Variants in NELFA observed in about 807,000 individuals in gnomAD.
NELFA encodes the protein negative elongation factor A.
Under a neutral mutation model 51.8 loss-of-function variants are expected in NELFA, and 35 were observed. That is an observed-to-expected ratio of 0.68 (90% confidence interval 0.52 to 0.90). The LOEUF is 0.90. NELFA is among the 40% of genes least tolerant of loss of function. The pLI is 0.00. For synonymous variants in NELFA, 417 were observed against 338.4 expected, an observed-to-expected ratio of 1.23 and a Z score of -2.55; for missense variants, 658 against 746.4, an observed-to-expected ratio of 0.88 and a Z score of 1.38.
Position 1,988,011 on chromosome 4 carries a change from G to C in NELFA, c.545-4C>G. The C allele has an allele frequency of 6.2e-7, 1 of 1,608,754 alleles. No homozygotes were observed. Among genetic ancestry groups the C allele is most frequent in the African/African-American group, 1.3e-5 (1 of 75,070 alleles). The stretch of plus-strand genomic sequence containing the variant: ...AACTGCTGGGCGGTCTCCGTGGCTG[G>C]AAGGAAGAGGTCACATATGTCAGGG... On this transcript the variant is annotated splice_polypyrimidine_tract_variant and splice_region_variant and intron_variant, in intron 3 of 10. Transcript: ENST00000382882.
intron 1 of NELFA, among the ~76,000 whole-genome samples, chr4:1,994,843 C>T (rs1405668750): frequency 1.4e-5 from 2 of 144,372 alleles, no homozygotes; most frequent in East Asian, 3.9e-4. Context: ...AGTGAGACTC[C>T]GTCTCAAAAA....
intron 1 of NELFA, among the ~76,000 whole-genome samples, chr4:1,999,626 C>T (rs536181892): frequency 6.6e-6 from 1 of 152,120 alleles, no homozygotes; most frequent in Admixed American, 6.6e-5. Flanking sequence ...TACAGGAGCA[C>T]CCAGATTCAT....
At chr4:2,002,105 C>T (rs1258060842) in intron 1 of NELFA, among the ~76,000 whole-genome samples, 1 of 151,660 alleles carries the variant, frequency 6.6e-6, no homozygotes, top group Non-Finnish European at 1.5e-5. Context: ...GAGGCTGACG[C>T]AGGAGAATGG....
At chr4:2,008,568 G>A (rs1449957702) in intron 1 of NELFA, among the ~76,000 whole-genome samples, 182 bp downstream of exon 1, 1 of 144,958 alleles carries the variant, frequency 6.9e-6, no homozygotes, top group African/African-American at 2.6e-5. Flanking sequence ...GGGGAGGTGA[G>A]GACTGGAGGG....
chr4:1,994,527 T>G (rs982472160), intron 1 of NELFA, among the ~76,000 whole-genome samples: 1 of 150,846 alleles, frequency 6.6e-6, no homozygotes, highest in Admixed American at 6.6e-5. Context: ...ATGGCGCCAC[T>G]GTACTCCAGC....
intron 2 of NELFA, 75 bp downstream of exon 2, chr4:1,991,469 T>C: frequency 6.6e-7 from 1 of 1,518,892 alleles, no homozygotes; most frequent in East Asian, 2.3e-5. Flanking sequence ...AAAAATCAAA[T>C]TCATTTCAGA....
rs1031222825 is a variant in NELFA at position 1,991,908 on chromosome 4, C to T, written c.211-193G>A. ...GGCCACCTTGCTTCCCTGAGCAGCACAGCCTCTGCCAGGTTGCAAGGCCCC... is the reference window on the plus strand; with the variant it reads ...GGCCACCTTGCTTCCCTGAGCAGCATAGCCTCTGCCAGGTTGCAAGGCCCC... On this transcript the variant is annotated intron_variant, in intron 1 of 10. Transcript: ENST00000382882. The T allele has an allele frequency of 5.4e-6, 3 of 556,760 alleles. No individual in the cohort carries two copies. The African/African-American group carries it at 5.8e-5, about 11-fold the overall frequency. The allele number at this position is 556,760 out of a possible 1,614,324, so 34.5% of individuals were successfully genotyped here.
chr4:1,988,943 T>G (rs987638738), intron 3 of NELFA, among the ~76,000 whole-genome samples: 5 of 132,322 alleles, frequency 3.8e-5, no homozygotes, highest in African/African-American at 8.9e-5. Context: ...CTGAAGTTGG[T>G]GGGTTTTTTT....
intron 4 of NELFA, among the ~76,000 whole-genome samples, chr4:1,987,118 A>G (rs1038900886): frequency 5.9e-5 from 9 of 152,266 alleles, no homozygotes; most frequent in Non-Finnish European, 8.8e-5. Context: ...CAGCAGACCC[A>G]AGATGCCTTC....
At chr4:2,000,963 T>C (rs1450008658) in intron 1 of NELFA, among the ~76,000 whole-genome samples, 1 of 152,196 alleles carries the variant, frequency 6.6e-6, no homozygotes, top group Non-Finnish European at 1.5e-5. Flanking sequence ...AGTGGCTTCA[T>C]CCCTGGGATG....
Position 1,986,403 on chromosome 4 carries a change from C to T in NELFA, c.635-1G>A. ...TGCTTCGGGATGCCTTTGAGTGGGG[C>T]TGGAGGACGGCAACAGTCAGGGCGC... is the stretch of plus-strand genomic sequence containing the variant. On this transcript the variant is annotated splice_acceptor_variant, in intron 4 of 10. Coordinates refer to ENST00000382882, the MANE Select transcript of NELFA (RefSeq NM_005663.5). LOFTEE classifies it high-confidence loss of function. The T allele has an allele frequency of 6.2e-7, 1 of 1,612,596 alleles. No individual in the cohort carries two copies. Among genetic ancestry groups the T allele is most frequent in the Non-Finnish European group, 8.5e-7 (1 of 1,179,578 alleles).
chr4:2,005,178 C>T (rs1026354008), intron 1 of NELFA, among the ~76,000 whole-genome samples: 4 of 151,800 alleles, frequency 2.6e-5, no homozygotes, highest in African/African-American at 9.7e-5. Flanking sequence ...AGAGAATTTC[C>T]TTAACTAGAT....
chr4:1,985,669 T>C (rs1236685000), intron 7 of NELFA, 107 bp downstream of exon 7: 3 of 807,700 alleles, frequency 3.7e-6, no homozygotes, highest in Admixed American at 4.4e-5. Flanking sequence ...TGCACACATA[T>C]GTACATACAT....
chr4:1,986,565 A>T, intron 4 of NELFA, 163 bp from the exon 5 acceptor site: 1 of 1,154,960 alleles, frequency 8.7e-7, no homozygotes, highest in South Asian at 1.5e-5. Flanking sequence ...GACCTCAAGG[A>T]GCAGGGGAAC....
At chr4:1,997,623 G>A (rs1276694779) in intron 1 of NELFA, among the ~76,000 whole-genome samples, 1 of 152,230 alleles carries the variant, frequency 6.6e-6, no homozygotes, top group Non-Finnish European at 1.5e-5. Context: ...AAGGATGTGA[G>A]AGACTGAACA....
chr4:2,007,859 G>C (rs928435223), intron 1 of NELFA: 1 of 408,886 alleles, frequency 2.4e-6, no homozygotes, highest in Non-Finnish European at 4.9e-6. Flanking sequence ...TCAGTAGCCA[G>C]GAACGTTTAA....
In NELFA at chr4:1,987,659, G is replaced by A. The variant is rs1381648130; in HGVS notation, c.634+259C>T. 7.2e-5 allele frequency: 35 copies of A among 488,570 alleles called. No homozygotes were observed. The South Asian group carries it at 8.9e-4, about 12-fold the overall frequency. 30.3% of individuals were successfully genotyped at this position (488,570 alleles called of 1,614,324 possible). A position where few individuals can be genotyped will look rare whatever the true frequency, so the allele number is the denominator to read the frequency against. The stretch of plus-strand genomic sequence containing the variant: ...ATGCCCAGCGGTGTCCTCAGATCCC[G>A]GCCTTCCTGTCTCCGTGCCCAGCAC... On this transcript the variant is annotated intron_variant, in intron 4 of 10. Coordinates refer to ENST00000382882, the MANE Select transcript of NELFA (RefSeq NM_005663.5).
chr4:1,984,963 TC>T (rs1728037988), intron 7 of NELFA, 44 bp from the exon 8 acceptor site: 4 of 1,424,232 alleles, frequency 2.8e-6, no homozygotes, highest in Non-Finnish European at 3.8e-6. Context: ...AGGCCATGCT[TC>T]CGGCATGTGC....
intron 4 of NELFA, chr4:1,987,446 CG>C (rs1245666049): frequency 1.3e-5 from 2 of 157,510 alleles, no homozygotes; most frequent in East Asian, 1.9e-4. Flanking sequence ...TGGAGGGGTG[CG>C]GGGGGCACAG....
Sources: allele counts gnomAD v4.1 joint callset (sites outside exome capture counted in the v4.1 genomes callset), GRCh38; gene constraint gnomAD v4.1.1; transcripts MANE v1.5; gene names NCBI Gene and HGNC (gene_info 2026-07-23, HGNC 2026-07-21).